ROCK2: variants seen among roughly 807,000 people sequenced by gnomAD.
ROCK2 encodes the protein rho-associated protein kinase 2.
In ROCK2, 61 loss-of-function variants were observed where a neutral mutation model predicts 195.1. The ratio of observed to expected loss-of-function variants is 0.31; its 90% CI spans 0.25 to 0.39. The LOEUF (loss-of-function observed/expected upper bound fraction) is 0.39. ROCK2 is among the 10% of genes least tolerant of loss of function. The pLI is 1.00. For missense variants in ROCK2, 1,109 were observed against 1,637.4 expected (o/e 0.68, Z 5.57); for synonymous variants, 504 against 545.5 (o/e 0.92, Z 1.06).
intron 11 of ROCK2, 96 bp from the exon 12 acceptor site, chr2:11,217,265 C>G: frequency 1.3e-6 from 1 of 752,126 alleles, no homozygotes; most frequent in Non-Finnish European, 2.4e-6. Context: ...TGTCTTTCCA[C>G]TAAACATAAT....
chr2:11,339,406 T>C lies in ROCK2; in HGVS notation c.141+4590A>G, dbSNP rs367707392. On this transcript the variant is annotated intron_variant, in intron 1 of 32. Coordinates refer to ENST00000315872, the MANE Select transcript of ROCK2 (RefSeq NM_004850.5). ...GGAAAATTTTCAACTCTATCCATTA[T>C]ATTAAGTTGACTGAACATAGTATAT... 1.2e-4 allele frequency among the ~76,000 whole-genome samples: 19 copies of C among 152,182 alleles called. No homozygotes were observed. The East Asian group carries it at 2.1e-3, about 17-fold the overall frequency.
Position 11,225,704 on chromosome 2 carries a change from TCC to T in ROCK2, c.869-1246_869-1245del, listed in dbSNP as rs1572268673. Reference sequence around the variant, plus strand: ...CCTCTAAAGTACCTTATTTTGTAAATCCCTAGGAAAGCGTGTCTAGGCAAAAA... The same window carrying T: ...CCTCTAAAGTACCTTATTTTGTAAATCTAGGAAAGCGTGTCTAGGCAAAAA... On this transcript the variant is annotated intron_variant, in intron 6 of 32. Transcript: ENST00000315872. Among the ~76,000 whole-genome samples, 3 of 152,158 alleles carry T rather than the reference TCC, an allele frequency of 2.0e-5. No individual in the cohort carries two copies. The East Asian group carries it at 5.8e-4, about 29-fold the overall frequency.
intron 1 of ROCK2, among the ~76,000 whole-genome samples, chr2:11,290,970 C>T (rs1421154416): frequency 6.6e-6 from 1 of 151,822 alleles, no homozygotes; most frequent in African/African-American, 2.4e-5. Flanking sequence ...AGCTGAGAAA[C>T]GTGAATTAGC....
intron 1 of ROCK2, among the ~76,000 whole-genome samples, chr2:11,327,410 A>G (rs1668581694): frequency 6.6e-6 from 1 of 152,176 alleles, no homozygotes; most frequent in South Asian, 2.1e-4. Context: ...AAGCGAAAAG[A>G]AAGACAACTG....
chr2:11,329,766 G>A (rs1354677441), intron 1 of ROCK2, among the ~76,000 whole-genome samples: 2 of 151,262 alleles, frequency 1.3e-5, no homozygotes, highest in Admixed American at 6.6e-5. Context: ...CTTTAGGTGC[G>A]TTTTCTCGTT....
At chr2:11,272,587 G>C (rs1299549256) in intron 3 of ROCK2, among the ~76,000 whole-genome samples, 1 of 151,486 alleles carries the variant, frequency 6.6e-6, no homozygotes, top group Non-Finnish European at 1.5e-5. Context: ...AGCTGTTAAA[G>C]AAGCAGAGCT....
intron 32 of ROCK2, among the ~76,000 whole-genome samples, chr2:11,190,354 C>G (rs1179540547): frequency 1.0e-5 from 1 of 97,666 alleles, no homozygotes; most frequent in African/African-American, 3.1e-5. Context: ...CAGGGCAAGG[C>G]CAGAAGTTTT....
At chr2:11,330,795 G>A (rs1572417188) in intron 1 of ROCK2, among the ~76,000 whole-genome samples, 1 of 60,336 alleles carries the variant, frequency 1.7e-5, no homozygotes, top group Non-Finnish European at 3.3e-5. Context: ...GAGGAGAGAG[G>A]AGGGAGGAGA....
intron 3 of ROCK2, among the ~76,000 whole-genome samples, chr2:11,281,305 T>A (rs1666995259): frequency 6.6e-6 from 1 of 151,562 alleles, no homozygotes; most frequent in Non-Finnish European, 1.5e-5. Flanking sequence ...TCATGTTTAC[T>A]GGTAAGAAAC....
intron 9 of ROCK2, among the ~76,000 whole-genome samples, chr2:11,219,487 G>A (rs375096780): frequency 1.3e-5 from 2 of 152,184 alleles, no homozygotes; most frequent in East Asian, 3.9e-4. Context: ...CTCTAGCCTG[G>A]GCGACGAAGT....
chr2:11,339,950 T>C (rs1669052354), intron 1 of ROCK2, among the ~76,000 whole-genome samples: 1 of 152,206 alleles, frequency 6.6e-6, no homozygotes, highest in African/African-American at 2.4e-5. Flanking sequence ...GTAACTTATA[T>C]TTGCATACTA....
At chr2:11,239,604 G>A (rs971386110) in intron 4 of ROCK2, among the ~76,000 whole-genome samples, 1 of 152,114 alleles carries the variant, frequency 6.6e-6, no homozygotes, top group Non-Finnish European at 1.5e-5. Flanking sequence ...TATTCATAAT[G>A]GCCAAAAAGT....
At chr2:11,225,356 A>C (rs1471444594) in intron 6 of ROCK2, among the ~76,000 whole-genome samples, 1 of 152,196 alleles carries the variant, frequency 6.6e-6, no homozygotes, top group African/African-American at 2.4e-5. Flanking sequence ...AAACTTCAAA[A>C]AATGTCTTCA....
intron 1 of ROCK2, among the ~76,000 whole-genome samples, chr2:11,300,555 C>A (rs116429717): frequency 6.6e-6 from 1 of 152,198 alleles, no homozygotes; most frequent in South Asian, 2.1e-4. Context: ...TGAGCCACCA[C>A]ACCCGGCCAA....
rs1160193624 is a variant in ROCK2, at chr2:11,214,930, G to T, written c.1846C>A (p.Leu616Ile). 1.2e-6 allele frequency: 2 copies of T among 1,614,024 alleles called. No individual in the cohort carries two copies. Among genetic ancestry groups the T allele is most frequent in the East Asian group, 4.5e-5 (2 of 44,874 alleles). ...TGAAGATTGATAAATTCCTTTTCAA[G>T]TTTTAACTTGGCAGTCTCCAGCAGG... ...NCLLETAKLK[L>I]EKEFINLQSA... The change falls in exon 16 of 33, where the codon CTT becomes ATT. Residue 616 changes from leucine (L) to isoleucine (I), a missense_variant. Coordinates refer to ENST00000315872, the MANE Select transcript of ROCK2 (RefSeq NM_004850.5).
At chr2:11,255,145 A>G (rs1359622170) in intron 3 of ROCK2, among the ~76,000 whole-genome samples, 1 of 145,866 alleles carries the variant, frequency 6.9e-6, no homozygotes, top group East Asian at 2.1e-4. Context: ...TGAACCCAGG[A>G]GGCGGAGCTT....
At chr2:11,258,558 T>C (rs1404330316) in intron 3 of ROCK2, among the ~76,000 whole-genome samples, 2 of 151,270 alleles carry the variant, frequency 1.3e-5, no homozygotes, top group Non-Finnish European at 2.9e-5. Flanking sequence ...AGAAAACATT[T>C]AAAAGTGTGG....
intron 1 of ROCK2, among the ~76,000 whole-genome samples, chr2:11,294,073 C>T (rs1036173004): frequency 2.6e-5 from 4 of 151,910 alleles, no homozygotes; most frequent in African/African-American, 4.8e-5. Context: ...AGGAGAATGG[C>T]GTGAACCCGG....
intron 1 of ROCK2, among the ~76,000 whole-genome samples, chr2:11,312,326 A>G (rs1230023274): frequency 6.6e-6 from 1 of 152,144 alleles, no homozygotes; most frequent in Non-Finnish European, 1.5e-5. Flanking sequence ...GTACAATTTG[A>G]TAAGTTTTGT....
Sources: gnomAD v4.1 joint callset for allele counts (sites outside exome capture counted in the v4.1 genomes callset) on GRCh38, gnomAD v4.1.1 for gene constraint, MANE v1.5 for transcripts, NCBI Gene and HGNC (gene_info 2026-07-23, HGNC 2026-07-21) for gene names.